IPO11: variants seen among roughly 807,000 people sequenced by gnomAD.
IPO11 encodes the protein importin-11.
A neutral mutation model predicts 143.2 loss-of-function variants in IPO11; 66 were observed. The observed-to-expected ratio is 0.46, with a 90% confidence interval of 0.38 to 0.57. The LOEUF (loss-of-function observed/expected upper bound fraction) is 0.57. Among genes scored for constraint, IPO11 ranks in the 20% least tolerant of loss-of-function variants. IPO11 has a pLI of 0.00. For synonymous variants in IPO11, 385 were observed against 377.8 expected, an observed-to-expected ratio of 1.02 and a Z score of -0.22; for missense variants, 1,026 against 1,141.0, an observed-to-expected ratio of 0.90 and a Z score of 1.45.
At chr5:62,620,979 T>C (rs1372652759) in intron 29 of IPO11, among the ~76,000 whole-genome samples, 2 of 152,214 alleles carry the variant, frequency 1.3e-5, no homozygotes, top group South Asian at 2.1e-4. Flanking sequence ...CATGGCTCTG[T>C]CTAGCAGGAA....
At position 62,430,924 on chromosome 5, in the gene IPO11, C is replaced by T. The variant is rs551094128; in HGVS notation, c.-6-6350C>T. Reference sequence around the variant, plus strand: ...AACTCCTGACCTCAGGTGATCCTCCCGCCTCAGCCTCCAAAAATGCTATTA... The same window carrying T: ...AACTCCTGACCTCAGGTGATCCTCCTGCCTCAGCCTCCAAAAATGCTATTA... On this transcript the variant is annotated intron_variant, in intron 1 of 29. Transcript: ENST00000325324. 5.9e-5 allele frequency among the ~76,000 whole-genome samples: 9 copies of T among 151,890 alleles called. No homozygotes were observed. The South Asian group carries it at 1.7e-3, about 28-fold the overall frequency.
At chr5:62,456,264 TA>T (rs1401818985) in intron 5 of IPO11, among the ~76,000 whole-genome samples, 1 of 151,254 alleles carries the variant, frequency 6.6e-6, no homozygotes, top group Non-Finnish European at 1.5e-5. Flanking sequence ...CACTCTCCCA[TA>T]ATGCTGGGAT....
At chr5:62,587,423 T>A (rs1744837155) in intron 27 of IPO11, among the ~76,000 whole-genome samples, 1 of 152,254 alleles carries the variant, frequency 6.6e-6, no homozygotes, top group Non-Finnish European at 1.5e-5. Flanking sequence ...GATGTATGTT[T>A]CCATTTAAAC....
At chr5:62,459,468 G>T (rs1243268993) in intron 5 of IPO11, among the ~76,000 whole-genome samples, 1 of 151,986 alleles carries the variant, frequency 6.6e-6, no homozygotes, top group Non-Finnish European at 1.5e-5. Context: ...GATAGATCTT[G>T]TACCTACTAA....
chr5:62,613,542 A>G (rs1396961098), intron 29 of IPO11, among the ~76,000 whole-genome samples: 1 of 151,930 alleles, frequency 6.6e-6, no homozygotes, highest in African/African-American at 2.4e-5. Context: ...AGCTCAGGCA[A>G]TCGGCCCGCC....
chr5:62,597,789 T>C (rs1333994224), intron 28 of IPO11, among the ~76,000 whole-genome samples: 2 of 152,190 alleles, frequency 1.3e-5, no homozygotes, highest in Non-Finnish European at 2.9e-5. Context: ...TTTTTATTAA[T>C]ATTTATATAA....
chr5:62,605,031 A>AT (rs2112454638), intron 29 of IPO11, among the ~76,000 whole-genome samples: 1 of 152,330 alleles, frequency 6.6e-6, no homozygotes, highest in African/African-American at 2.4e-5. Context: ...GTTTCTTCAA[A>AT]GGGGGAGAGT....
chr5:62,591,744 A>G lies in IPO11; in HGVS notation c.2678+72A>G, dbSNP rs1038872129. ...AAATACATGCTGCATGATTTTTTTCACCATCACTCTATAAGCACAGTATGA... is the reference window on the plus strand; with the variant it reads ...AAATACATGCTGCATGATTTTTTTCGCCATCACTCTATAAGCACAGTATGA... On this transcript the variant is annotated intron_variant, in intron 28 of 29. Transcript: ENST00000325324. 2.0e-5 allele frequency: 19 copies of G among 959,754 alleles called. No individual in the cohort carries two copies. The East Asian group carries it at 4.7e-4, about 24-fold the overall frequency. The allele number at this position is 959,754 out of a possible 1,614,324, so 59.5% of individuals were successfully genotyped here. A position where few individuals can be genotyped will look rare whatever the true frequency, so the allele number is the denominator to read the frequency against.
intron 1 of IPO11, among the ~76,000 whole-genome samples, chr5:62,433,184 G>T (rs766151472): frequency 1.4e-5 from 2 of 147,802 alleles, no homozygotes; most frequent in Non-Finnish European, 3.0e-5. Flanking sequence ...TACTTAAAGT[G>T]TTGGCATTTA....
At chr5:62,504,577 A>G in intron 16 of IPO11, 90 bp from the exon 17 acceptor site, 1 of 727,876 alleles carries the variant, frequency 1.4e-6, no homozygotes, top group Non-Finnish European at 2.3e-6. Flanking sequence ...AAGAGTACAG[A>G]AAGTGATTTG....
chr5:62,582,720 A>G (rs1296451674), intron 27 of IPO11, among the ~76,000 whole-genome samples: 3 of 152,208 alleles, frequency 2.0e-5, no homozygotes, highest in African/African-American at 4.8e-5. Context: ...CTTGATTAAG[A>G]ATCTTTAATA....
At chr5:62,463,037 A>G (rs754335212) in intron 5 of IPO11, among the ~76,000 whole-genome samples, 11 of 151,988 alleles carry the variant, frequency 7.2e-5, no homozygotes, top group Non-Finnish European at 1.5e-4. Flanking sequence ...GTGTATATAT[A>G]AGAAAAACAT....
In IPO11 at chr5:62,494,045, T is replaced by G; in HGVS notation, c.1511T>G (p.Ile504Ser). 6.2e-7 allele frequency: 1 copy of G among 1,613,656 alleles called. No individual in the cohort carries two copies. Among genetic ancestry groups the G allele is most frequent in the Non-Finnish European group, 8.5e-7 (1 of 1,179,696 alleles). The change falls in exon 16 of 30, where the codon ATT becomes AGT. Residue 504 changes from isoleucine (I) to serine (S), a missense_variant. Ile to Ser is a moderately radical substitution (Grantham distance 142). Around this residue, in one of 5 missense-constraint regions of IPO11, gnomAD observed 237 missense variants for 288.0 expected, o/e 0.82. Coordinates refer to ENST00000325324, the MANE Select transcript of IPO11 (RefSeq NM_016338.5). ...RRVIWLIGQWISVKFKSDLRP... is the reference protein window; with the variant it reads ...RRVIWLIGQWSSVKFKSDLRP... ...GTGATTTGGCTCATCGGTCAGTGGA[T>G]TTCTGTGAAATTCAAGTCTGACTTA...
intron 26 of IPO11, among the ~76,000 whole-genome samples, chr5:62,555,804 C>T (rs1231737703): frequency 2.0e-5 from 3 of 152,084 alleles, no homozygotes; most frequent in Admixed American, 6.5e-5. Context: ...CGCCTGGCCC[C>T]ACACCTGGCT....
At chr5:62,513,870 T>C (rs1193902305) in intron 19 of IPO11, among the ~76,000 whole-genome samples, 1 of 128,092 alleles carries the variant, frequency 7.8e-6, no homozygotes, top group Middle Eastern at 5.7e-3. Context: ...TCCTCACTTC[T>C]CAGACGGGGC....
intron 9 of IPO11, among the ~76,000 whole-genome samples, chr5:62,479,546 T>G (rs180865639): frequency 1.3e-5 from 2 of 152,328 alleles, no homozygotes; most frequent in Admixed American, 6.5e-5. Context: ...CAGTTTACAG[T>G]CCCACCAACA....
intron 20 of IPO11, among the ~76,000 whole-genome samples, chr5:62,518,467 A>T (rs997520656): frequency 2.0e-5 from 3 of 151,118 alleles, no homozygotes; most frequent in Non-Finnish European, 4.4e-5. Context: ...CCCAAAAATT[A>T]ATTGGGTGTG....
chr5:62,619,252 A>G (rs1490366154), intron 29 of IPO11, among the ~76,000 whole-genome samples: 3 of 152,138 alleles, frequency 2.0e-5, no homozygotes, highest in Non-Finnish European at 4.4e-5. Context: ...TACTAATGAC[A>G]TTCTTTTAGC....
At chr5:62,592,753 C>G (rs1745072420) in intron 28 of IPO11, among the ~76,000 whole-genome samples, 2 of 151,956 alleles carry the variant, frequency 1.3e-5, no homozygotes, top group African/African-American at 4.8e-5. Context: ...AAGTGCTGTG[C>G]AAAAGGGGAA....
Sources: gnomAD v4.1 joint callset for allele counts (sites outside exome capture counted in the v4.1 genomes callset) on GRCh38, gnomAD v4.1.1 for gene constraint, gnomAD v4.1.1 regional missense constraint, MANE v1.5 for transcripts, NCBI Gene and HGNC (gene_info 2026-07-23, HGNC 2026-07-21) for gene names.